Variants in PLXNA4 observed in about 807,000 individuals in gnomAD.
PLXNA4 encodes plexin-A4.
PLXNA4 carries 44 observed loss-of-function variants against 191.8 expected under a neutral mutation model. The ratio of observed to expected loss-of-function variants is 0.23; its 90% CI spans 0.18 to 0.29. The LOEUF (loss-of-function observed/expected upper bound fraction) is 0.29. Ranked by LOEUF, PLXNA4 falls within the 10% of genes least tolerant of loss-of-function variation. The pLI is 1.00. For synonymous variants in PLXNA4, 1,082 were observed against 1,009.5 expected (o/e 1.07, Z -1.36); for missense variants, 1,800 against 2,488.8 (o/e 0.72, Z 5.89).
chr7:132,333,217 G>T (rs112477884), intron 3 of PLXNA4, among the ~76,000 whole-genome samples: 5 of 152,206 alleles, frequency 3.3e-5, no homozygotes, highest in Non-Finnish European at 7.3e-5. Flanking sequence ...ATCCCTGTGT[G>T]TGGCTAGTGG....
intron 3 of PLXNA4, among the ~76,000 whole-genome samples, chr7:132,452,229 T>G (rs1796148746): frequency 6.6e-6 from 1 of 152,158 alleles, no homozygotes; most frequent in Non-Finnish European, 1.5e-5. Flanking sequence ...CAGCAAGGCA[T>G]CCCAGCACCA....
At chr7:132,614,561 C>G (rs1803114933) in intron 2 of PLXNA4, among the ~76,000 whole-genome samples, 1 of 152,188 alleles carries the variant, frequency 6.6e-6, no homozygotes. Context: ...AGTGTTGGAG[C>G]AGAGGTTTAT....
chr7:132,328,585 G>A (rs977517560), intron 3 of PLXNA4, among the ~76,000 whole-genome samples: 5 of 152,230 alleles, frequency 3.3e-5, no homozygotes, highest in African/African-American at 1.2e-4. Context: ...GGGCCATGAG[G>A]TTCAACAGAT....
chr7:132,179,768 G>C lies in PLXNA4; in HGVS notation c.3793C>G (p.Arg1265Gly). The C allele has an allele frequency of 6.2e-7, 1 of 1,614,092 alleles. No individual in the cohort carries two copies. Among genetic ancestry groups the C allele is most frequent in the Non-Finnish European group, 8.5e-7 (1 of 1,180,038 alleles). ...CGCTTCAGCGTGAGGTCACTTTCGC[G>C]GGACTTGCGTTTATAGGCAATGAGC... ...AVLIAYKRKSRESDLTLKRLQ... is the reference protein window; with the variant it reads ...AVLIAYKRKSGESDLTLKRLQ... The change falls in exon 20 of 32, where the codon CGC (arginine) becomes GGC (glycine). Residue 1265 changes from arginine to glycine, a missense_variant. By Grantham distance (125) the Arg-to-Gly change is moderately radical (BLOSUM62 -2). Coordinates refer to ENST00000321063, the MANE Select transcript of PLXNA4 (RefSeq NM_020911.2).
At chr7:132,540,878 C>T (rs1387405148) in intron 1 of PLXNA4, among the ~76,000 whole-genome samples, 6 of 152,026 alleles carry the variant, frequency 3.9e-5, no homozygotes, top group South Asian at 2.1e-4. Flanking sequence ...TGAGCCACCG[C>T]GCCCGGCCTG....
chr7:132,599,704 T>G (rs531222369), intron 2 of PLXNA4, among the ~76,000 whole-genome samples: 25 of 152,212 alleles, frequency 1.6e-4, no homozygotes, highest in African/African-American at 5.8e-4. Flanking sequence ...TCTTTTTTTA[T>G]AGTCAAACAC....
At chr7:132,180,851 C>G in intron 18 of PLXNA4, 119 bp from the exon 19 acceptor site, 1 of 1,467,884 alleles carries the variant, frequency 6.8e-7, no homozygotes, top group Non-Finnish European at 9.1e-7. Flanking sequence ...AAGAAGCCAC[C>G]TTTGGTAATA....
intron 30 of PLXNA4, among the ~76,000 whole-genome samples, chr7:132,138,855 G>A (rs906554312): frequency 6.6e-6 from 1 of 152,208 alleles, no homozygotes; most frequent in Admixed American, 6.5e-5. Flanking sequence ...CCTGGGAAGT[G>A]TCCTTTATGC....
chr7:132,155,767 C>T (rs374973494), intron 25 of PLXNA4, among the ~76,000 whole-genome samples: 36 of 152,290 alleles, frequency 2.4e-4, no homozygotes, highest in African/African-American at 7.2e-4. Context: ...GTTAATTCTA[C>T]GTGTCAACTT....
At chr7:132,170,074 C>T (rs373333189) in intron 21 of PLXNA4, among the ~76,000 whole-genome samples, 114 of 152,086 alleles carry the variant, frequency 7.5e-4, no homozygotes, top group African/African-American at 2.4e-3. Context: ...ACAGCAGTAA[C>T]GAGCCTGGTT....
At chr7:132,561,550 C>A in intron 1 of PLXNA4, among the ~76,000 whole-genome samples, 1 of 122,544 alleles carries the variant, frequency 8.2e-6, no homozygotes, top group Admixed American at 7.8e-5. Flanking sequence ...CCTCCTTCTC[C>A]TCCTCCTTCT....
At chr7:132,439,988 A>ATG (rs1391575511) in intron 3 of PLXNA4, among the ~76,000 whole-genome samples, 1 of 65,858 alleles carries the variant, frequency 1.5e-5, no homozygotes, top group East Asian at 9.4e-4. Context: ...GTGCATGTGC[A>ATG]TGTGTGAGTG....
chr7:132,405,296 T>G (rs1794171941), intron 3 of PLXNA4, among the ~76,000 whole-genome samples: 1 of 152,082 alleles, frequency 6.6e-6, no homozygotes, highest in Admixed American at 6.5e-5. Context: ...TTGGGTTCCT[T>G]GTACACTGAT....
chr7:132,211,001 T>TCGCTGCC lies in PLXNA4; in HGVS notation c.2233_2239dup (p.Glu747GlyfsTer26). 1 of 1,613,986 alleles carries TCGCTGCC rather than the reference T, an allele frequency of 6.2e-7. No individual in the cohort carries two copies. The highest frequency in any genetic ancestry group is 8.5e-7 in the Non-Finnish European group (1 of 1,180,028). ...GAAGCGCAGGGCGGGCACTCGCTGC[T>TCGCTGCC]CGCTGCCCTGAATGTTGAGGATGCA... On this transcript the variant is annotated frameshift_variant, in exon 10 of 32. Transcript: ENST00000321063. LOFTEE classifies it high-confidence loss of function.
intron 3 of PLXNA4, among the ~76,000 whole-genome samples, chr7:132,403,250 T>G (rs929025455): frequency 6.6e-6 from 1 of 152,234 alleles, no homozygotes; most frequent in African/African-American, 2.4e-5. Flanking sequence ...GCATGGATGC[T>G]GGCAATGCAC....
chr7:132,282,586 G>A (rs1800519024), intron 4 of PLXNA4, among the ~76,000 whole-genome samples: 1 of 110,324 alleles, frequency 9.1e-6, no homozygotes, highest in South Asian at 3.2e-4. Context: ...TATAGCCTGG[G>A]TGATAGAGCC....
At chr7:132,586,253 C>A (rs1452100588) in intron 2 of PLXNA4, among the ~76,000 whole-genome samples, 1 of 152,178 alleles carries the variant, frequency 6.6e-6, no homozygotes, top group Non-Finnish European at 1.5e-5. Context: ...ATAGAGGAGA[C>A]ATGGTCATCA....
At chr7:132,472,804 A>G (rs989760932) in intron 3 of PLXNA4, among the ~76,000 whole-genome samples, 7 of 152,198 alleles carry the variant, frequency 4.6e-5, no homozygotes, top group Admixed American at 1.3e-4. Flanking sequence ...AGGAGCAGGT[A>G]CAGGTGATGG....
chr7:132,371,942 C>T (rs1804458116), intron 3 of PLXNA4, among the ~76,000 whole-genome samples: 1 of 152,166 alleles, frequency 6.6e-6, no homozygotes, highest in African/African-American at 2.4e-5. Context: ...AATCATGCAT[C>T]CAAAGCCAAA....
Sources: gnomAD v4.1 joint callset for allele counts (sites outside exome capture counted in the v4.1 genomes callset) on GRCh38, gnomAD v4.1.1 for gene constraint, MANE v1.5 for transcripts, NCBI Gene and HGNC (gene_info 2026-07-23, HGNC 2026-07-21) for gene names.